The following DAB1 variants were observed in gnomAD, a reference collection of about 807,000 sequenced individuals.
DAB1 encodes DAB adaptor protein 1.
A neutral mutation model predicts 64.6 loss-of-function variants in DAB1; 15 were observed. That is an observed-to-expected ratio of 0.23 (90% CI 0.16 to 0.36). The LOEUF (loss-of-function observed/expected upper bound fraction) is 0.36. Among genes scored for constraint, DAB1 ranks in the 10% least tolerant of loss-of-function variants. The pLI is 1.00. For synonymous variants in DAB1, 235 were observed against 251.9 expected (o/e 0.93, Z 0.64); for missense variants, 596 against 706.7 (o/e 0.84, Z 1.78).
intron 2 of DAB1, among the ~76,000 whole-genome samples, chr1:57,263,843 G>T (rs1287390044): frequency 6.6e-6 from 1 of 152,130 alleles, no homozygotes; most frequent in Non-Finnish European, 1.5e-5. Flanking sequence ...ACTAAAAATG[G>T]TTAGGTGACT....
In DAB1 at chr1:57,381,588, G is replaced by A. The variant is rs571548142; in HGVS notation, c.-137+42342C>T. On this transcript the variant is annotated intron_variant, in intron 1 of 14. Coordinates refer to ENST00000371236, the MANE Select transcript of DAB1 (RefSeq NM_001365792.1). ...TTGTTCAGGTCCGGGAAGCAGCCCC[G>A]TCACATCCTAACAAAACTTTCAATG... Among the ~76,000 whole-genome samples, 6 of 152,134 alleles carry A rather than the reference G, an allele frequency of 3.9e-5. No homozygotes were observed. In the South Asian group the frequency reaches 1.2e-3, roughly 32 times the overall value.
intron 6 of DAB1, among the ~76,000 whole-genome samples, chr1:57,650,992 C>A (rs1646249495): frequency 6.6e-6 from 1 of 151,854 alleles, no homozygotes; most frequent in East Asian, 1.9e-4. Context: ...AATGAAGGAA[C>A]AAAAGAATTA....
intron 4 of DAB1, among the ~76,000 whole-genome samples, chr1:57,103,351 G>A (rs1029827482): frequency 6.6e-6 from 1 of 152,178 alleles, no homozygotes; most frequent in Middle Eastern, 3.2e-3. Context: ...AGCAGACTTA[G>A]GCCCAGATCT....
chr1:58,510,143 AG>A (rs2100425212), intron 2 of DAB1, among the ~76,000 whole-genome samples: 1 of 136,042 alleles, frequency 7.4e-6, no homozygotes, highest in African/African-American at 3.0e-5. Context: ...TTATGAGGCC[AG>A]CCATTACCCT....
At chr1:57,563,419 C>A (rs1007902985) in intron 7 of DAB1, among the ~76,000 whole-genome samples, 1 of 152,120 alleles carries the variant, frequency 6.6e-6, no homozygotes, top group African/African-American at 2.4e-5. Flanking sequence ...GTTTATCTCA[C>A]TGGGGCTTGT....
intron 3 of DAB1, among the ~76,000 whole-genome samples, chr1:58,381,674 G>A (rs79773682): frequency 0.014 from 2,146 of 152,260 alleles, 50 homozygotes; most frequent in African/African-American, 0.049. Flanking sequence ...AATAAACTGG[G>A]GGATAACTGA....
intron 2 of DAB1, among the ~76,000 whole-genome samples, chr1:57,199,877 A>C (rs998874344): frequency 2.6e-5 from 4 of 152,250 alleles, no homozygotes; most frequent in Non-Finnish European, 5.9e-5. Flanking sequence ...GAAAGTATAC[A>C]GTCTGGTACC....
intron 3 of DAB1, among the ~76,000 whole-genome samples, chr1:58,485,228 T>TTAAAAAAAAAAAA (rs533975015): frequency 2.4e-5 from 1 of 42,036 alleles, no homozygotes; most frequent in South Asian, 1.3e-3. Context: ...AGTCTACTAC[T>TTAAAAAAAAAAAA]AAAAAAAAAA....
intron 2 of DAB1, among the ~76,000 whole-genome samples, chr1:57,276,515 G>A (rs1468859652): frequency 2.6e-5 from 4 of 152,188 alleles, no homozygotes; most frequent in Non-Finnish European, 4.4e-5. Context: ...TGCATAACAC[G>A]AAATGAATAA....
chr1:57,452,210 C>A (rs1686409174), intron 7 of DAB1, among the ~76,000 whole-genome samples: 2 of 137,670 alleles, frequency 1.5e-5, no homozygotes, highest in Non-Finnish European at 3.1e-5. Context: ...CTCTCTCACC[C>A]AGGCTGGAGT....
Position 57,011,206 on chromosome 1 carries a change from G to A in DAB1, c.1511C>T (p.Thr504Ile). ...GCCCTCTTCAAAGATGTCATCTGTGGTAGGATCACTGGCATGGGATGCAGA... is the reference window on the plus strand; with the variant it reads ...GCCCTCTTCAAAGATGTCATCTGTGATAGGATCACTGGCATGGGATGCAGA... Reference protein sequence around the residue: ...KSSASHASDPTTDDIFEEGFE... With the variant: ...KSSASHASDPITDDIFEEGFE... The change falls in exon 13 of 15, where the codon ACC becomes ATC. Residue 504 changes from threonine to isoleucine, a missense_variant. Thr to Ile is a moderately conservative substitution (Grantham distance 89). This residue lies in a region of DAB1 where 377 missense variants were observed against 400.4 expected (regional missense o/e 0.94). Coordinates refer to ENST00000371236, the MANE Select transcript of DAB1 (RefSeq NM_001365792.1). The A allele has an allele frequency of 1.2e-6, 2 of 1,614,062 alleles. No individual in the cohort carries two copies. Among genetic ancestry groups the A allele is most frequent in the South Asian group, 1.1e-5 (1 of 91,082 alleles).
intron 3 of DAB1, among the ~76,000 whole-genome samples, chr1:58,385,257 T>C (rs1454285526): frequency 6.6e-6 from 1 of 152,258 alleles, no homozygotes; most frequent in Non-Finnish European, 1.5e-5. Context: ...ATACCCATTA[T>C]GCCTCAACAA....
intron 5 of DAB1, among the ~76,000 whole-genome samples, chr1:58,119,835 C>T (rs1369616007): frequency 1.3e-5 from 2 of 152,162 alleles, no homozygotes; most frequent in African/African-American, 4.8e-5. Flanking sequence ...GAGAAAGGGA[C>T]ATGATGCTCC....
At chr1:58,526,845 A>T (rs1237334054) in intron 2 of DAB1, among the ~76,000 whole-genome samples, 1 of 152,142 alleles carries the variant, frequency 6.6e-6, no homozygotes, top group Non-Finnish European at 1.5e-5. Flanking sequence ...AGATAGCATT[A>T]GCTTTCCAGA....
chr1:58,124,207 T>TACACAC (rs1168295822), intron 5 of DAB1, among the ~76,000 whole-genome samples: 6 of 148,136 alleles, frequency 4.1e-5, no homozygotes, highest in Non-Finnish European at 8.8e-5. Context: ...TATATATATA[T>TACACAC]ACACACACAC....
intron 5 of DAB1, among the ~76,000 whole-genome samples, chr1:58,014,845 G>A (rs1013569092): frequency 1.3e-5 from 2 of 152,146 alleles, no homozygotes; most frequent in African/African-American, 4.8e-5. Flanking sequence ...GACAGGAAAG[G>A]GCCTGGTCCC....
intron 4 of DAB1, among the ~76,000 whole-genome samples, chr1:58,170,250 A>G (rs1012660434): frequency 1.4e-4 from 21 of 152,198 alleles, no homozygotes; most frequent in African/African-American, 5.1e-4. Flanking sequence ...TAGAAGGACT[A>G]AGGAGAATTA....
chr1:58,193,300 C>T (rs1265303557), intron 4 of DAB1, among the ~76,000 whole-genome samples: 4 of 152,176 alleles, frequency 2.6e-5, no homozygotes. Flanking sequence ...TCCCCTTTGC[C>T]TTCTGCCATG....
intron 3 of DAB1, among the ~76,000 whole-genome samples, chr1:58,397,131 G>C (rs897073089): frequency 6.6e-6 from 1 of 152,062 alleles, no homozygotes; most frequent in Non-Finnish European, 1.5e-5. Context: ...TAAAGGGAGA[G>C]AGGGAGGGAG....
Sources: allele counts gnomAD v4.1 joint callset (sites outside exome capture counted in the v4.1 genomes callset), GRCh38; gene constraint gnomAD v4.1.1; regional missense constraint gnomAD v4.1.1; transcripts MANE v1.5; gene names NCBI Gene and HGNC (gene_info 2026-07-23, HGNC 2026-07-21).